Variants in AHCY observed in about 807,000 individuals in gnomAD.
AHCY encodes the protein adenosylhomocysteinase.
AHCY carries 24 observed loss-of-function variants against 45.4 expected under a neutral mutation model. The observed-to-expected ratio is 0.53, with a 90% CI of 0.38 to 0.74. The LOEUF (loss-of-function observed/expected upper bound fraction) is 0.74, where lower values mean the gene tolerates loss of function less well. Among genes scored for constraint, AHCY ranks in the 30% least tolerant of loss-of-function variants. The probability of loss-of-function intolerance (pLI) is 0.00; values close to 1 mark genes in which losing one functional copy is unlikely to be tolerated. For synonymous variants in AHCY, 245 were observed against 235.1 expected, an observed-to-expected ratio of 1.04 and a Z score of -0.39; for missense variants, 449 against 594.1, an observed-to-expected ratio of 0.76 and a Z score of 2.54.
chr20:34,268,680 G>A, the AHCY span, among the ~76,000 whole-genome samples: 7 of 151,926 alleles, frequency 4.6e-5, no homozygotes, highest in African/African-American at 1.7e-4. Context: ...ATTGCAGTGA[G>A]CCGAGATCGC....
chr20:34,281,245 G>A, intron 9 of AHCY, 80 bp from the exon 10 acceptor site: 1 of 1,588,382 alleles, frequency 6.3e-7, no homozygotes, highest in Non-Finnish European at 8.6e-7. Context: ...AATAGAGGCA[G>A]AAGTGTTCTG....
At chr20:34,234,619 T>G in the AHCY span, among the ~76,000 whole-genome samples, 1 of 152,012 alleles carries the variant, frequency 6.6e-6, no homozygotes, top group African/African-American at 2.4e-5. Context: ...CTGACCAACA[T>G]GGCGAAACCC....
the AHCY span, among the ~76,000 whole-genome samples, chr20:34,258,866 T>C: frequency 7.9e-6 from 1 of 126,162 alleles, no homozygotes; most frequent in Non-Finnish European, 1.6e-5. Context: ...ATATGATATA[T>C]ATAATACTAT....
the AHCY span, among the ~76,000 whole-genome samples, chr20:34,260,021 C>G: frequency 1.3e-5 from 2 of 151,934 alleles, no homozygotes; most frequent in Non-Finnish European, 2.9e-5. Flanking sequence ...ACAACTCTGC[C>G]CAGGCCTGGG....
the AHCY span, among the ~76,000 whole-genome samples, chr20:34,267,723 G>T: frequency 2.6e-5 from 4 of 151,826 alleles, no homozygotes; most frequent in African/African-American, 9.7e-5. Context: ...GTAGAGACGG[G>T]TTTCTCCATG....
chr20:34,245,295 T>C, the AHCY span, among the ~76,000 whole-genome samples: 7 of 145,452 alleles, frequency 4.8e-5, no homozygotes, highest in African/African-American at 1.5e-4. Flanking sequence ...GATCATGCCA[T>C]TGCACTCGAG....
At chr20:34,301,788 A>G in intron 1 of AHCY, 2 of 984,956 alleles carry the variant, frequency 2.0e-6, no homozygotes, top group Non-Finnish European at 2.4e-6. Flanking sequence ...CATCCACACA[A>G]TGGAGACAGT....
the AHCY span, among the ~76,000 whole-genome samples, chr20:34,233,636 C>T: frequency 1.3e-5 from 2 of 152,124 alleles, no homozygotes; most frequent in African/African-American, 4.8e-5. Flanking sequence ...CTCAATGGTA[C>T]CACCAGTCTG....
At chr20:34,277,087 C>T (rs749787400), downstream of AHCY, among the ~76,000 whole-genome samples, 4 of 152,132 alleles carry the variant, frequency 2.6e-5, no homozygotes, top group Non-Finnish European at 5.9e-5. Flanking sequence ...GTGGATCCTT[C>T]CTGGGTTTTA....
the AHCY span, among the ~76,000 whole-genome samples, chr20:34,264,352 G>A: frequency 1.1e-3 from 163 of 152,240 alleles, 1 homozygote; most frequent in African/African-American, 3.8e-3. Context: ...TGCTTACAAC[G>A]CTCTGTGAGC....
At chr20:34,234,241 T>C in the AHCY span, among the ~76,000 whole-genome samples, 328 of 152,304 alleles carry the variant, frequency 2.2e-3, 3 homozygotes, top group African/African-American at 7.7e-3. Flanking sequence ...TTTCCAGGGC[T>C]CATGACCCAA....
At chr20:34,275,109 C>T in the AHCY span, among the ~76,000 whole-genome samples, 1 of 150,356 alleles carries the variant, frequency 6.7e-6, no homozygotes, top group South Asian at 2.1e-4. Flanking sequence ...TGGGAGGGGA[C>T]CTGGCCCAAG....
the AHCY span, among the ~76,000 whole-genome samples, chr20:34,266,916 G>A: frequency 6.6e-6 from 1 of 152,096 alleles, no homozygotes; most frequent in African/African-American, 2.4e-5. Context: ...CCTTATTCCT[G>A]TCTTAGTGTG....
chr20:34,266,910 A>C, the AHCY span, among the ~76,000 whole-genome samples: 9 of 152,316 alleles, frequency 5.9e-5, no homozygotes, highest in African/African-American at 2.2e-4. Flanking sequence ...TGCACACCTT[A>C]TTCCTGTCTT....
intron 1 of AHCY, among the ~76,000 whole-genome samples, chr20:34,308,942 C>T (rs1031476237): frequency 2.7e-5 from 4 of 149,612 alleles, no homozygotes; most frequent in African/African-American, 9.9e-5. Context: ...GCGTGAGCCA[C>T]TGCGCCTGGC....
At chr20:34,285,853 C>T (rs1249331206) in intron 8 of AHCY, among the ~76,000 whole-genome samples, 1 of 152,176 alleles carries the variant, frequency 6.6e-6, no homozygotes, top group Non-Finnish European at 1.5e-5. Context: ...GTAATCCCAG[C>T]ACTTTGGAAG....
chr20:34,257,171 C>A, the AHCY span, among the ~76,000 whole-genome samples: 1 of 151,732 alleles, frequency 6.6e-6, no homozygotes, highest in Admixed American at 6.6e-5. Context: ...GCAACTTCCT[C>A]CCCCTGGGTT....
At position 34,281,169 on chromosome 20, in the gene AHCY, G is replaced by C. The variant is rs1486876742; in HGVS notation, c.1168-4C>G. On this transcript the variant is annotated splice_polypyrimidine_tract_variant and splice_region_variant and intron_variant, in intron 9 of 9. Coordinates refer to ENST00000217426, the MANE Select transcript of AHCY (RefSeq NM_000687.4). ...CTTCAGCCACTGCCTCATCCAGCTG[G>C]GGAGAAACAAAGGAAGACCGGGAAT... The C allele has an allele frequency of 6.2e-7, 1 of 1,612,708 alleles. No homozygotes were observed. The highest frequency in any genetic ancestry group is 8.5e-7 in the Non-Finnish European group (1 of 1,179,942).
intron 2 of AHCY, among the ~76,000 whole-genome samples, chr20:34,294,847 C>T (rs552097637): frequency 2.6e-5 from 4 of 152,166 alleles, no homozygotes; most frequent in East Asian, 1.9e-4. Context: ...AAAATCAGAC[C>T]GCCAAGAGTG....
Sources: allele counts gnomAD v4.1 joint callset (sites outside exome capture counted in the v4.1 genomes callset), GRCh38; gene constraint gnomAD v4.1.1; transcripts MANE v1.5; gene names NCBI Gene and HGNC (gene_info 2026-07-23, HGNC 2026-07-21).